Variants in PAFAH2 observed in about 807,000 individuals in gnomAD.
The protein encoded by PAFAH2 is platelet-activating factor acetylhydrolase 2, cytoplasmic.
In PAFAH2, 42 loss-of-function variants were observed where a neutral mutation model predicts 49.0. That is an observed-to-expected ratio of 0.86 (90% CI 0.67 to 1.11). The LOEUF is 1.11. Among genes scored for constraint, PAFAH2 ranks in the 50% least tolerant of loss-of-function variants. The pLI is 0.00. For missense variants in PAFAH2, 503 were observed against 501.8 expected, an observed-to-expected ratio of 1.00 and a Z score of -0.02; for synonymous variants, 184 against 181.3, an observed-to-expected ratio of 1.01 and a Z score of -0.12.
In PAFAH2 at chr1:25,985,146, C is replaced by T. The variant is rs186723023; in HGVS notation, c.342-618G>A. On this transcript the variant is annotated intron_variant, in intron 4 of 10. Transcript: ENST00000374282. ...TGCTGGGATTACAGGCATGAGCCAC[C>T]GCACCCAGCCAGCCAGAGAGATTTC... is the stretch of plus-strand genomic sequence containing the variant. 4.6e-5 allele frequency among the ~76,000 whole-genome samples: 7 copies of T among 152,214 alleles called. No individual in the cohort carries two copies. In the East Asian group the frequency reaches 9.7e-4, roughly 21 times the overall value.
chr1:25,984,569 A>G (rs1166039952), intron 4 of PAFAH2, 41 bp from the exon 5 acceptor site: 1 of 1,516,976 alleles, frequency 6.6e-7, no homozygotes, highest in African/African-American at 1.4e-5. Flanking sequence ...GATCAAAAGA[A>G]CAGCCCAGCC....
chr1:25,963,543 T>TTG (rs1462647874), intron 10 of PAFAH2, among the ~76,000 whole-genome samples: 2 of 152,172 alleles, frequency 1.3e-5, no homozygotes, highest in Non-Finnish European at 2.9e-5. Context: ...TCTTGCTCTG[T>TTG]CACCAGGCTG....
In PAFAH2 at chr1:25,964,513, C is replaced by T. The variant is rs549648635; in HGVS notation, c.1085-2430G>A. Among the ~76,000 whole-genome samples, 4 of 152,010 alleles carry T rather than the reference C, an allele frequency of 2.6e-5. No individual in the cohort carries two copies. The South Asian group carries it at 8.3e-4, about 32-fold the overall frequency. On this transcript the variant is annotated intron_variant, in intron 10 of 10. Transcript: ENST00000374282. Reference sequence around the variant, plus strand: ...CTGAGCCCAGGAGTTTGAGACCAGCCCAGGCAATAAAGTGAGACACTGTCT... The same window carrying T: ...CTGAGCCCAGGAGTTTGAGACCAGCTCAGGCAATAAAGTGAGACACTGTCT...
Position 25,961,756 on chromosome 1 carries a change from T to G in PAFAH2, c.*233A>C. The G allele has an allele frequency of 2.3e-6, 1 of 434,516 alleles. No homozygotes were observed. The highest frequency in any genetic ancestry group is 4.1e-6 in the Non-Finnish European group (1 of 242,594). The allele number at this position is 434,516 out of a possible 1,614,324, so 26.9% of individuals were successfully genotyped here. A position where few individuals can be genotyped will look rare whatever the true frequency, so the allele number is the denominator to read the frequency against. ...ACTCTACTGCTTGTTCCCCACTCCA[T>G]CAAGGTCCCAGAAAGTCTGTTTGTC... On this transcript the variant is annotated 3_prime_UTR_variant, in exon 11 of 11. Transcript: ENST00000374282.
intron 9 of PAFAH2, among the ~76,000 whole-genome samples, chr1:25,974,009 T>G (rs1274415666): frequency 6.6e-6 from 1 of 152,214 alleles, no homozygotes; most frequent in Admixed American, 6.5e-5. Flanking sequence ...TGGCTTCTCT[T>G]GACCAGAATA....
intron 1 of PAFAH2, among the ~76,000 whole-genome samples, chr1:25,995,321 C>A (rs1252525486): frequency 6.6e-6 from 1 of 152,208 alleles, no homozygotes; most frequent in South Asian, 2.1e-4. Context: ...AGTTTTCAAC[C>A]AGTGACTTGC....
At chr1:25,963,491 A>G (rs988400565) in intron 10 of PAFAH2, among the ~76,000 whole-genome samples, 2 of 151,890 alleles carry the variant, frequency 1.3e-5, no homozygotes, top group South Asian at 4.2e-4. Context: ...GAAAGGAAGG[A>G]CCCAATGTTT....
rs769537562 is a variant in PAFAH2 at position 25,961,939 on chromosome 1, C to G, written c.*50G>C. ...GGAGCTCATGGGTGCCCTTGGGTAGCTCCCAAATGAAAACTTGGCTGAAGT... is the reference window on the plus strand; with the variant it reads ...GGAGCTCATGGGTGCCCTTGGGTAGGTCCCAAATGAAAACTTGGCTGAAGT... On this transcript the variant is annotated 3_prime_UTR_variant, in exon 11 of 11. Coordinates refer to ENST00000374282, the MANE Select transcript of PAFAH2 (RefSeq NM_000437.4). 8 of 1,425,726 alleles carry G rather than the reference C, an allele frequency of 5.6e-6. No individual in the cohort carries two copies. Among genetic ancestry groups the G allele is most frequent in the Non-Finnish European group, 7.9e-6 (8 of 1,011,788 alleles). 88.3% of individuals were successfully genotyped at this position (1,425,726 alleles called of 1,614,324 possible).
chr1:25,983,315 T>C (rs1218446539), intron 6 of PAFAH2, among the ~76,000 whole-genome samples: 1 of 151,836 alleles, frequency 6.6e-6, no homozygotes, highest in Non-Finnish European at 1.5e-5. Flanking sequence ...GCCTAGGAGA[T>C]TGAGGTTGCC....
chr1:25,988,305 G>C lies in PAFAH2; in HGVS notation c.267C>G (p.Ser89Arg). ...LAVGSCRLPV[S>R]WNGPFKTKDS... is the part of the protein sequence containing the mutation. ...CCTTTGTCTTAAAGGGGCCATTCCA[G>C]CTAACAGGCAGGCGACAAGATCCTA... Residue 89 changes from serine (S) to arginine (R), a missense_variant, in exon 4 of 11, where the codon AGC becomes AGG. Transcript: ENST00000374282. 6.2e-7 allele frequency: 1 copy of C among 1,611,428 alleles called. No homozygotes were observed. Among genetic ancestry groups the C allele is most frequent in the Non-Finnish European group, 8.5e-7 (1 of 1,178,752 alleles).
At chr1:25,980,026 T>C (rs374721394) in intron 7 of PAFAH2, among the ~76,000 whole-genome samples, 9 of 152,340 alleles carry the variant, frequency 5.9e-5, no homozygotes, top group Admixed American at 2.6e-4. Context: ...GCACTCTAGA[T>C]TCCAGGGTCT....
chr1:25,969,997 C>T (rs901627912), intron 10 of PAFAH2, among the ~76,000 whole-genome samples: 2 of 151,994 alleles, frequency 1.3e-5, no homozygotes, highest in Non-Finnish European at 2.9e-5. Flanking sequence ...TCAAGGCTCA[C>T]GATGTGTAAG....
At chr1:25,988,208 G>A (rs2049812683) in intron 4 of PAFAH2, 23 bp downstream of exon 4, 1 of 1,507,350 alleles carries the variant, frequency 6.6e-7, no homozygotes, top group Admixed American at 1.9e-5. Flanking sequence ...GTATGGCAAG[G>A]TCTGGGGGAA....
chr1:25,982,795 C>T (rs145779602), intron 6 of PAFAH2, among the ~76,000 whole-genome samples: 11 of 152,300 alleles, frequency 7.2e-5, no homozygotes, highest in Admixed American at 6.5e-4. Flanking sequence ...ATTAGCAAAC[C>T]AGTACTGGAT....
chr1:25,989,184 G>GT (rs1314031943), intron 3 of PAFAH2, among the ~76,000 whole-genome samples: 2 of 152,190 alleles, frequency 1.3e-5, no homozygotes, highest in Non-Finnish European at 2.9e-5. Flanking sequence ...CCAAAGACAT[G>GT]TATTTAGACA....
Position 25,983,997 on chromosome 1 carries a change from AGG to A in PAFAH2, c.499_500del (p.Pro167PhefsTer5). 6.2e-7 allele frequency: 1 copy of A among 1,614,152 alleles called. No individual in the cohort carries two copies. Among genetic ancestry groups the A allele is most frequent in the Non-Finnish European group, 8.5e-7 (1 of 1,179,982 alleles). ...TNESLQEEWIPFRRVEEGEKE... is the reference protein window; with the variant it reads ...TNESLQEEWIXFRRVEEGEKE... ...TCTCCCCTTCCTCAACTCGACGGAA[AGG>A]GATCCATTCCTCCTGCAGCGATTCA... On this transcript the variant is annotated frameshift_variant, in exon 6 of 11. Transcript: ENST00000374282. LOFTEE classifies it high-confidence loss of function.
chr1:25,988,143 T>G, intron 4 of PAFAH2, 88 bp downstream of exon 4: 2 of 772,792 alleles, frequency 2.6e-6, no homozygotes, highest in Non-Finnish European at 4.1e-6. Flanking sequence ...TGGAAATGTC[T>G]TTTTTTTGCC....
At chr1:25,972,484 C>G in intron 10 of PAFAH2, 74 bp downstream of exon 10, 1 of 1,489,214 alleles carries the variant, frequency 6.7e-7, no homozygotes, top group Non-Finnish European at 9.1e-7. Flanking sequence ...CCAGACATGT[C>G]AGAGTTCTCA....
intron 10 of PAFAH2, among the ~76,000 whole-genome samples, chr1:25,971,886 G>A (rs1348843713): frequency 2.6e-5 from 4 of 151,934 alleles, no homozygotes; most frequent in Admixed American, 6.6e-5. Flanking sequence ...AATTTAGCCC[G>A]TTATCCTCAT....
Sources: allele counts gnomAD v4.1 joint callset (sites outside exome capture counted in the v4.1 genomes callset), GRCh38; gene constraint gnomAD v4.1.1; transcripts MANE v1.5; gene names NCBI Gene and HGNC (gene_info 2026-07-23, HGNC 2026-07-21).